The following LRRK1 variants were observed in gnomAD, a reference collection of about 807,000 sequenced individuals.
LRRK1 encodes the protein leucine rich repeat kinase 1, also known as leucine-rich repeat serine/threonine-protein kinase 1.
A neutral mutation model predicts 209.1 loss-of-function variants in LRRK1; 113 were observed. The observed-to-expected ratio is 0.54, with a 90% CI of 0.46 to 0.63. The LOEUF (loss-of-function observed/expected upper bound fraction) is 0.63. LRRK1 is among the 30% of genes least tolerant of loss of function. The probability of loss-of-function intolerance (pLI) is 0.00; values close to 1 mark genes in which losing one functional copy is unlikely to be tolerated. For missense variants in LRRK1, 2,284 were observed against 2,632.2 expected, an observed-to-expected ratio of 0.87 and a Z score of 2.89; for synonymous variants, 1,144 against 1,099.7, an observed-to-expected ratio of 1.04 and a Z score of -0.80.
chr15:101,069,329 CA>C lies in LRRK1; in HGVS notation c.*482del, dbSNP rs545336849. On this transcript the variant is annotated 3_prime_UTR_variant, in exon 34 of 34. Coordinates refer to ENST00000388948, the MANE Select transcript of LRRK1 (RefSeq NM_024652.6). ...CCCGCCAGAGACCTCAGGCTCTCAG[CA>C]CATTCCACAGGCTCCTGAGTCCCCG... 774 of 153,326 alleles carry C rather than the reference CA, an allele frequency of 5.0e-3. 4 individuals are homozygous for C. Among genetic ancestry groups the C allele is most frequent in the Non-Finnish European group, 7.9e-3 (541 of 68,444 alleles). 9.5% of individuals were successfully genotyped at this position (153,326 alleles called of 1,614,324 possible).
rs145076928 is a variant in LRRK1 at position 101,068,359 on chromosome 15, T to G, written c.5871-312T>G. The stretch of plus-strand genomic sequence containing the variant: ...GGGTCAGTGGTGTTTTCTGGACGCT[T>G]TGGGAGCTGAGTCAAGGATGCATGA... On this transcript the variant is annotated intron_variant, in intron 33 of 33. Transcript: ENST00000388948. 8.5e-4 allele frequency among the ~76,000 whole-genome samples: 129 copies of G among 152,220 alleles called. 7 individuals are homozygous for G. In the East Asian group the frequency reaches 0.014, roughly 17 times the overall value.
At chr15:101,048,030 G>GT (rs1466825265) in intron 21 of LRRK1, among the ~76,000 whole-genome samples, 2 of 152,060 alleles carry the variant, frequency 1.3e-5, no homozygotes, top group South Asian at 2.1e-4. Flanking sequence ...GAAAGGTGGG[G>GT]TTTTTTAACA....
In LRRK1 at chr15:101,055,006, C is replaced by T. The variant is rs766947451; in HGVS notation, c.4115C>T (p.Ser1372Leu). 1.3e-5 allele frequency: 21 copies of T among 1,613,936 alleles called. No homozygotes were observed. Among genetic ancestry groups the T allele is most frequent in the South Asian group, 1.2e-4 (11 of 91,068 alleles). ...LTQKIAYQIASGLAYLHKKNI... is the reference protein window; with the variant it reads ...LTQKIAYQIALGLAYLHKKNI... ...CAAAAAATAGCCTACCAGATCGCCT[C>T]GGGCCTGGCCTACCTGCACAAGAAA... is the stretch of plus-strand genomic sequence containing the variant. The change falls in exon 27 of 34, where the codon TCG becomes TTG. Residue 1372 changes from serine (S) to leucine (L), a missense_variant. Physicochemically the swap from Ser to Leu is moderately radical, Grantham distance 145. This residue lies in a region of LRRK1 where 780 missense variants were observed against 985.2 expected (regional missense o/e 0.79). Transcript: ENST00000388948.
At chr15:100,941,250 GTGTGTGTGTCTGTGTCTC>G (rs1567190529) in intron 2 of LRRK1, among the ~76,000 whole-genome samples, 1 of 149,230 alleles carries the variant, frequency 6.7e-6, no homozygotes, top group Admixed American at 6.6e-5. Context: ...GTGTCTGTCT[GTGTGTGTGTCTGTGTCTC>G]TGTGTGTGTC....
chr15:100,975,945 G>A (rs1047450008), intron 3 of LRRK1, among the ~76,000 whole-genome samples: 1 of 152,046 alleles, frequency 6.6e-6, no homozygotes, highest in Admixed American at 6.5e-5. Context: ...AATCTCTGGT[G>A]AGAGTAAAAG....
At chr15:100,995,602 T>C (rs1372576667) in intron 6 of LRRK1, among the ~76,000 whole-genome samples, 1 of 152,174 alleles carries the variant, frequency 6.6e-6, no homozygotes, top group African/African-American at 2.4e-5. Context: ...ATCGGGTCAA[T>C]GTTTAGCTGC....
At position 100,992,538 on chromosome 15, in the gene LRRK1, C is replaced by A. The variant is rs149414796; in HGVS notation, c.762+3140C>A. Reference sequence around the variant, plus strand: ...TTAGCCAGAGATTTATGTTAAAATACAAGGAACTGTCAAGGAACTTGATAG... The same window carrying A: ...TTAGCCAGAGATTTATGTTAAAATAAAAGGAACTGTCAAGGAACTTGATAG... On this transcript the variant is annotated intron_variant, in intron 6 of 33. Transcript: ENST00000388948. Among the ~76,000 whole-genome samples the A allele has an allele frequency of 2.2e-3, 334 of 152,270 alleles. 4 individuals are homozygous for A. The highest frequency in any genetic ancestry group is 7.6e-3 in the African/African-American group (315 of 41,554).
intron 25 of LRRK1, 67 bp from the exon 26 acceptor site, chr15:101,053,156 C>T: frequency 1.3e-6 from 2 of 1,590,902 alleles, no homozygotes; most frequent in Admixed American, 3.3e-5. Flanking sequence ...CTCTGTGCGG[C>T]CTTAGAGAGG....
Position 101,069,100 on chromosome 15 carries a change from G to A in LRRK1, c.*252G>A. The stretch of plus-strand genomic sequence containing the variant: ...ATTTTACAGCCCCAGGGAAGACAGT[G>A]GTATCAGGCTGGGAGCGGCCTCCTC... On this transcript the variant is annotated 3_prime_UTR_variant, in exon 34 of 34. Transcript: ENST00000388948. 2.6e-6 allele frequency: 1 copy of A among 382,850 alleles called. No homozygotes were observed. Among genetic ancestry groups the A allele is most frequent in the Non-Finnish European group, 4.7e-6 (1 of 213,456 alleles). 23.7% of individuals were successfully genotyped at this position (382,850 alleles called of 1,614,324 possible).
At chr15:100,992,263 A>G (rs1195289446) in intron 6 of LRRK1, among the ~76,000 whole-genome samples, 2 of 152,230 alleles carry the variant, frequency 1.3e-5, no homozygotes, top group African/African-American at 4.8e-5. Context: ...TTAATTAGAT[A>G]AAGCAGATCT....
chr15:100,938,603 A>G (rs2042345575), intron 2 of LRRK1, among the ~76,000 whole-genome samples: 1 of 151,602 alleles, frequency 6.6e-6, no homozygotes, highest in Admixed American at 6.6e-5. Context: ...GCATCCATGT[A>G]AACCCCCTTC....
At chr15:101,041,193 A>G (rs181985108) in intron 20 of LRRK1, among the ~76,000 whole-genome samples, 1 of 152,206 alleles carries the variant, frequency 6.6e-6, no homozygotes, top group African/African-American at 2.4e-5. Context: ...ATTTTGTCTG[A>G]TGTTAAAATA....
rs2924841 is a variant in LRRK1, at chr15:101,076,813, T to C, written c.*7965T>C. ...AGTCAGATAACTAAAATACCTCTTA[T>C]TCTAGGTAGACACTTTCACTGGATA... On this transcript the variant is annotated 3_prime_UTR_variant, in exon 34 of 34. Coordinates refer to ENST00000388948, the MANE Select transcript of LRRK1 (RefSeq NM_024652.6). 2 of 152,014 alleles carry C rather than the reference T, an allele frequency of 1.3e-5. No homozygotes were observed. Among genetic ancestry groups the C allele is most frequent in the Non-Finnish European group, 2.9e-5 (2 of 67,998 alleles). The allele number at this position is 152,014 out of a possible 1,614,324, so 9.4% of individuals were successfully genotyped here.
intron 30 of LRRK1, 120 bp from the exon 31 acceptor site, chr15:101,062,454 T>C: frequency 2.8e-6 from 2 of 713,116 alleles, no homozygotes; most frequent in East Asian, 2.5e-5. Flanking sequence ...TGTCAATCCA[T>C]GTAACTTTCC....
Position 101,008,987 on chromosome 15 carries a change from C to T in LRRK1, c.913C>T (p.Arg305Trp), listed in dbSNP as rs775625158. The T allele has an allele frequency of 2.5e-6, 4 of 1,614,050 alleles. No individual in the cohort carries two copies. The highest frequency in any genetic ancestry group is 1.3e-5 in the African/African-American group (1 of 74,922). ...TATCCCCTGGGGCCTCATCAATCTCCGGAAGCTGAACCTCTCCGACAACCA... is the reference window on the plus strand; with the variant it reads ...TATCCCCTGGGGCCTCATCAATCTCTGGAAGCTGAACCTCTCCGACAACCA... ...SVIPWGLINL[R>W]KLNLSDNHLG... Residue 305 changes from arginine (R) to tryptophan (W), a missense_variant, in exon 7 of 34, where the codon CGG (arginine) becomes TGG (tryptophan). By Grantham distance (101) the Arg-to-Trp change is moderately radical. Transcript: ENST00000388948.
At chr15:100,972,355 AGAGAGAGAGTGTGTGTGTGTGT>A (rs2030959776) in intron 2 of LRRK1, among the ~76,000 whole-genome samples, 9 of 134,074 alleles carry the variant, frequency 6.7e-5, no homozygotes, top group African/African-American at 1.8e-4. Context: ...AGAGAGAGAG[AGAGAGAGAGTGTGTGTGTGTGT>A]GTGTGTGTGT....
At chr15:100,923,022 A>C (rs929643906) in intron 1 of LRRK1, among the ~76,000 whole-genome samples, 27 of 152,182 alleles carry the variant, frequency 1.8e-4, no homozygotes, top group Middle Eastern at 3.4e-3. Flanking sequence ...ATCTTCTAGA[A>C]CCTACCCGCT....
intron 20 of LRRK1, among the ~76,000 whole-genome samples, chr15:101,037,435 G>A (rs2034535875): frequency 6.6e-6 from 1 of 152,144 alleles, no homozygotes; most frequent in South Asian, 2.1e-4. Flanking sequence ...CTGGCACAGG[G>A]GCCAGGGGAC....
chr15:101,058,074 A>G lies in LRRK1; in HGVS notation c.4612A>G (p.Thr1538Ala), dbSNP rs1177495292. 3 of 1,614,166 alleles carry G rather than the reference A, an allele frequency of 1.9e-6. No homozygotes were observed. Among genetic ancestry groups the G allele is most frequent in the Non-Finnish European group, 2.5e-6 (3 of 1,180,018 alleles). The change falls in exon 29 of 34, where the codon ACA (threonine) becomes GCA (alanine). Residue 1538 changes from threonine to alanine, a missense_variant. Transcript: ENST00000388948. ...FMYELCCGKQ[T>A]AFFSSQGQEY... Reference sequence around the variant, plus strand: ...GTATGAACTGTGCTGTGGGAAGCAGACAGCCTTCTTCTCATCCCAGGGCCA... The same window carrying G: ...GTATGAACTGTGCTGTGGGAAGCAGGCAGCCTTCTTCTCATCCCAGGGCCA...
Sources: gnomAD v4.1 joint callset for allele counts (sites outside exome capture counted in the v4.1 genomes callset) on GRCh38, gnomAD v4.1.1 for gene constraint, gnomAD v4.1.1 regional missense constraint, MANE v1.5 for transcripts, NCBI Gene and HGNC (gene_info 2026-07-23, HGNC 2026-07-21) for gene names.